The following HIBCH variants were observed in gnomAD, a reference collection of about 807,000 sequenced individuals.
HIBCH encodes 3-hydroxyisobutyryl-CoA hydrolase, mitochondrial.
HIBCH carries 50 observed loss-of-function variants against 58.2 expected under a neutral mutation model. The observed-to-expected ratio is 0.86, with a 90% CI of 0.68 to 1.09. The LOEUF is 1.09. HIBCH is among the 50% of genes least tolerant of loss of function. HIBCH has a pLI of 0.00. For synonymous variants in HIBCH, 151 were observed against 146.9 expected, an observed-to-expected ratio of 1.03 and a Z score of -0.20; for missense variants, 450 against 449.7, an observed-to-expected ratio of 1.00 and a Z score of -0.01.
intron 6 of HIBCH, among the ~76,000 whole-genome samples, chr2:190,284,348 T>A (rs1239479479): frequency 6.6e-6 from 1 of 152,120 alleles, no homozygotes; most frequent in Non-Finnish European, 1.5e-5. Flanking sequence ...TCAGAAATGA[T>A]GTGCTAGAGC....
intron 2 of HIBCH, among the ~76,000 whole-genome samples, chr2:190,309,030 A>G (rs1272774265): frequency 2.6e-5 from 4 of 152,198 alleles, no homozygotes; most frequent in African/African-American, 9.7e-5. Context: ...TAATTCCTAA[A>G]ATTTTCTAGA....
chr2:190,309,780 C>T (rs1365022130), intron 2 of HIBCH, among the ~76,000 whole-genome samples: 4 of 152,042 alleles, frequency 2.6e-5, no homozygotes, highest in Admixed American at 6.5e-5. Context: ...AGGATGGTCT[C>T]GATCTCCTGA....
At chr2:190,219,400 AG>A (rs1389378461) in intron 11 of HIBCH, among the ~76,000 whole-genome samples, 3 of 152,214 alleles carry the variant, frequency 2.0e-5, no homozygotes, top group African/African-American at 7.2e-5. Context: ...AGGATATACT[AG>A]GCCCCTGTTT....
chr2:190,226,130 G>T (rs1178630477), intron 11 of HIBCH, among the ~76,000 whole-genome samples: 1 of 152,168 alleles, frequency 6.6e-6, no homozygotes, highest in African/African-American at 2.4e-5. Context: ...AGCTATTTAT[G>T]ACAAACCCAC....
downstream of HIBCH, chr2:190,200,049 C>T (rs1690175390): frequency 6.2e-7 from 1 of 1,613,970 alleles, no homozygotes; most frequent in African/African-American, 1.3e-5. Flanking sequence ...AATATGCACA[C>T]CGCCTGTCTC....
At chr2:190,312,354 T>C (rs182335973) in intron 1 of HIBCH, among the ~76,000 whole-genome samples, 73 of 152,368 alleles carry the variant, frequency 4.8e-4, no homozygotes, top group Non-Finnish European at 8.5e-4. Context: ...GATGCATGCT[T>C]TTTGTTTAAG....
At chr2:190,289,567 G>A (rs900212093) in intron 5 of HIBCH, among the ~76,000 whole-genome samples, 1 of 152,116 alleles carries the variant, frequency 6.6e-6, no homozygotes, top group African/African-American at 2.4e-5. Context: ...GGGCTGAAAT[G>A]TAACTTCCAA....
intron 7 of HIBCH, among the ~76,000 whole-genome samples, 186 bp from the exon 8 acceptor site, chr2:190,252,493 T>C (rs1284536298): frequency 6.6e-6 from 1 of 152,236 alleles, no homozygotes; most frequent in Admixed American, 6.5e-5. Flanking sequence ...CTGTGCTAAC[T>C]TGGGTATTTT....
chr2:190,225,675 G>A (rs576946532), intron 11 of HIBCH, among the ~76,000 whole-genome samples: 1 of 152,110 alleles, frequency 6.6e-6, no homozygotes, highest in African/African-American at 2.4e-5. Context: ...ATTCATAGCC[G>A]AATTCTACCA....
intron 13 of HIBCH, 103 bp downstream of exon 13, chr2:190,208,777 G>A: frequency 1.1e-6 from 1 of 950,730 alleles, no homozygotes; most frequent in Non-Finnish European, 1.7e-6. Flanking sequence ...GGTACATTTT[G>A]GATTTTAGGA....
chr2:190,311,926 T>A (rs1688567801), intron 1 of HIBCH, among the ~76,000 whole-genome samples: 2 of 152,096 alleles, frequency 1.3e-5, no homozygotes, highest in South Asian at 4.1e-4. Flanking sequence ...TGACCACTAA[T>A]AATGGACATG....
chr2:190,193,493 T>C (rs900238139), intron 1 of HIBCH, among the ~76,000 whole-genome samples: 1 of 152,176 alleles, frequency 6.6e-6, no homozygotes, highest in African/African-American at 2.4e-5. Context: ...TACTTCCTCG[T>C]AATGGCCTTG....
At chr2:190,291,370 T>C (rs1254840871) in intron 4 of HIBCH, among the ~76,000 whole-genome samples, 1 of 152,156 alleles carries the variant, frequency 6.6e-6, no homozygotes, top group Non-Finnish European at 1.5e-5. Flanking sequence ...AGGAGATGTG[T>C]AATTAATTAA....
chr2:190,273,687 A>G lies in HIBCH; in HGVS notation c.439-12453T>C, dbSNP rs552596490. On this transcript the variant is annotated intron_variant, in intron 6 of 13. Transcript: ENST00000359678. ...TTCATTCTTAAAGAAAGCTCCTTTC[A>G]TATCTTCCAGTTTTTTTAAAAAAAA... Among the ~76,000 whole-genome samples the G allele has an allele frequency of 3.9e-5, 5 of 127,478 alleles. No individual in the cohort carries two copies. The South Asian group carries it at 1.4e-3, about 37-fold the overall frequency. The allele number at this position is 127,478 out of a possible 152,430, so 83.6% of individuals were successfully genotyped here.
rs564760663 is a variant in HIBCH, at chr2:190,261,858, C to G, written c.439-624G>C. 2.6e-5 allele frequency among the ~76,000 whole-genome samples: 4 copies of G among 152,246 alleles called. No homozygotes were observed. The South Asian group carries it at 6.2e-4, about 24-fold the overall frequency. On this transcript the variant is annotated intron_variant, in intron 6 of 13. Coordinates refer to ENST00000359678, the MANE Select transcript of HIBCH (RefSeq NM_014362.4). ...AAGGCCACTGCCTGCTCAATCACTG[C>G]TTTTTCTCTAAGGGAATCTGCTCTG... is the stretch of plus-strand genomic sequence containing the variant.
At chr2:190,265,169 T>C (rs1229853601) in intron 6 of HIBCH, among the ~76,000 whole-genome samples, 1 of 150,304 alleles carries the variant, frequency 6.7e-6, no homozygotes, top group Non-Finnish European at 1.5e-5. Context: ...TCATTCAACT[T>C]TAAAATATAT....
At chr2:190,275,833 A>G (rs923569373) in intron 6 of HIBCH, among the ~76,000 whole-genome samples, 6 of 152,356 alleles carry the variant, frequency 3.9e-5, no homozygotes, top group East Asian at 1.9e-4. Flanking sequence ...ACAATAGCCA[A>G]TGCCACAATT....
At position 190,272,087 on chromosome 2, in the gene HIBCH, C is replaced by G. The variant is rs1464508137; in HGVS notation, c.439-10853G>C. On this transcript the variant is annotated intron_variant, in intron 6 of 13. Coordinates refer to ENST00000359678, the MANE Select transcript of HIBCH (RefSeq NM_014362.4). ...AGCCTCAGCTTAAATATAACTTCCT[C>G]CAAAAGGCTTTCCCTACACTACCCC... is the stretch of plus-strand genomic sequence containing the variant. Among the ~76,000 whole-genome samples the G allele has an allele frequency of 2.0e-5, 3 of 149,542 alleles. No homozygotes were observed. The Admixed American group carries it at 2.0e-4, about 10-fold the overall frequency.
In HIBCH at chr2:190,261,204, G is replaced by C. The variant is rs148693438; in HGVS notation, c.469C>G (p.Arg157Gly). ...AAAAGACACTTTTCTGTAGCCACTC[G>C]AAATTGCCCATGGACTGAGAGACCA... ...GVGLSVHGQF[R>G]VATEKCLFAM... The change falls in exon 7 of 14, where the codon CGA becomes GGA. Residue 157 changes from arginine (R) to glycine (G), a missense_variant. By Grantham distance (125) the Arg-to-Gly change is moderately radical. Coordinates refer to ENST00000359678, the MANE Select transcript of HIBCH (RefSeq NM_014362.4). 6.2e-7 allele frequency: 1 copy of C among 1,607,370 alleles called. No individual in the cohort carries two copies. The highest frequency in any genetic ancestry group is 1.7e-5 in the Admixed American group (1 of 59,786).
Sources: allele counts gnomAD v4.1 joint callset (sites outside exome capture counted in the v4.1 genomes callset), GRCh38; gene constraint gnomAD v4.1.1; transcripts MANE v1.5; gene names NCBI Gene and HGNC (gene_info 2026-07-23, HGNC 2026-07-21).